The following MEGF10 variants were observed in gnomAD, a reference collection of about 807,000 sequenced individuals.
MEGF10 encodes the protein multiple epidermal growth factor-like domains protein 10.
Under a neutral mutation model 147.5 loss-of-function variants are expected in MEGF10, and 86 were observed. The observed-to-expected ratio is 0.58, with a 90% CI of 0.49 to 0.70. The LOEUF (loss-of-function observed/expected upper bound fraction) is 0.70. Ranked by LOEUF, MEGF10 falls within the 30% of genes least tolerant of loss-of-function variation. The probability of loss-of-function intolerance (pLI) is 0.00; values close to 1 mark genes in which losing one functional copy is unlikely to be tolerated. For synonymous variants in MEGF10, 478 were observed against 525.5 expected (o/e 0.91, Z 1.24); for missense variants, 1,329 against 1,487.3 (o/e 0.89, Z 1.75).
At chr5:127,390,778 G>A (rs913386898) in intron 5 of MEGF10, among the ~76,000 whole-genome samples, 1 of 152,050 alleles carries the variant, frequency 6.6e-6, no homozygotes, top group African/African-American at 2.4e-5. Context: ...TCAGTGCTAG[G>A]ATAAATGTCC....
At chr5:127,267,973 G>T in the MEGF10 span, among the ~76,000 whole-genome samples, 1 of 152,068 alleles carries the variant, frequency 6.6e-6, no homozygotes, top group Non-Finnish European at 1.5e-5. Flanking sequence ...TTTTGAATGT[G>T]TTTGCTCTTG....
chr5:127,235,978 CTTT>C, the MEGF10 span, among the ~76,000 whole-genome samples: 4 of 148,204 alleles, frequency 2.7e-5, no homozygotes, highest in African/African-American at 9.9e-5. Flanking sequence ...GGTCGGCAAA[CTTT>C]TTTTTTTTTT....
At position 127,421,207 on chromosome 5, in the gene MEGF10, G is replaced by A. The variant is rs924280831; in HGVS notation, c.1590+1000G>A. ...AAAGCAAAGCCCCTGGCACAATCTCGTCCTTTTTCATACCTTAGAGGAGTT... is the reference window on the plus strand; with the variant it reads ...AAAGCAAAGCCCCTGGCACAATCTCATCCTTTTTCATACCTTAGAGGAGTT... On this transcript the variant is annotated intron_variant, in intron 12 of 24. Coordinates refer to ENST00000503335, the MANE Select transcript of MEGF10 (RefSeq NM_001256545.2). Among the ~76,000 whole-genome samples, 6 of 152,184 alleles carry A rather than the reference G, an allele frequency of 3.9e-5. No individual in the cohort carries two copies. In the East Asian group the frequency reaches 5.8e-4, roughly 15 times the overall value.
intron 21 of MEGF10, 40 bp from the exon 22 acceptor site, chr5:127,449,059 T>TA (rs767181358): frequency 6.2e-7 from 1 of 1,612,024 alleles, no homozygotes; most frequent in Non-Finnish European, 8.5e-7. Flanking sequence ...TGCCGCATTG[T>TA]ATTTTGTTTT....
intron 9 of MEGF10, among the ~76,000 whole-genome samples, chr5:127,417,053 G>A (rs112877443): frequency 1.3e-5 from 2 of 152,218 alleles, no homozygotes; most frequent in South Asian, 2.1e-4. Flanking sequence ...CATGTGTTTT[G>A]AGCCAGCATG....
chr5:127,270,924 T>C, the MEGF10 span, among the ~76,000 whole-genome samples: 1 of 152,258 alleles, frequency 6.6e-6, no homozygotes, highest in Admixed American at 6.5e-5. Context: ...GGCTGTATAG[T>C]ATTCCATGGT....
chr5:127,410,530 C>T lies in MEGF10; in HGVS notation c.1059C>T (p.Arg353=). 6.2e-7 allele frequency: 1 copy of T among 1,613,720 alleles called. No individual in the cohort carries two copies. Among genetic ancestry groups the T allele is most frequent in the Non-Finnish European group, 8.5e-7 (1 of 1,180,038 alleles). The change falls in exon 9 of 25, where the codon CGC becomes CGT. Residue 353 remains arginine (R), a synonymous_variant. Coordinates refer to ENST00000503335, the MANE Select transcript of MEGF10 (RefSeq NM_001256545.2). ...AGFAGERCEA[R]LCPEGLYGIK... The stretch of plus-strand genomic sequence containing the variant: ...TTGCTGGCGAGCGCTGCGAAGCACG[C>T]CTGTGTCCTGAGGGGCTCTACGGCA...
chr5:127,385,405 TGG>T (rs1472266261), intron 5 of MEGF10, among the ~76,000 whole-genome samples: 1 of 152,166 alleles, frequency 6.6e-6, no homozygotes, highest in Admixed American at 6.6e-5. Context: ...TCCTGAGTGC[TGG>T]GATTACAGGT....
chr5:127,349,001 G>A (rs1761994617), intron 4 of MEGF10, among the ~76,000 whole-genome samples: 1 of 152,052 alleles, frequency 6.6e-6, no homozygotes, highest in African/African-American at 2.4e-5. Flanking sequence ...AAGGTGACAA[G>A]AGCGAGAATC....
intron 13 of MEGF10, among the ~76,000 whole-genome samples, chr5:127,432,887 A>G (rs1765431028): frequency 1.3e-5 from 2 of 152,186 alleles, no homozygotes; most frequent in Admixed American, 6.5e-5. Context: ...TGCACCATCA[A>G]GTTATTTTAA....
At chr5:127,266,297 A>C in the MEGF10 span, among the ~76,000 whole-genome samples, 1 of 151,990 alleles carries the variant, frequency 6.6e-6, no homozygotes, top group Non-Finnish European at 1.5e-5. Flanking sequence ...TTTTGGTACC[A>C]GTACCATGCT....
In MEGF10 at chr5:127,398,762, T is replaced by C. The variant is rs780558683; in HGVS notation, c.746T>C (p.Val249Ala). ...PCQNGGVCHHVTGECSCPSGW... is the reference protein window; with the variant it reads ...PCQNGGVCHHATGECSCPSGW... ...CAAAATGGAGGAGTGTGTCATCACG[T>C]CACTGGAGAATGCTCTTGCCCTTCT... Residue 249 changes from valine to alanine, a missense_variant, in exon 7 of 25, where the codon GTC becomes GCC. Physicochemically the swap from Val to Ala is moderately conservative, Grantham distance 64. Around this residue, in one of 3 missense-constraint regions of MEGF10, gnomAD observed 980 missense variants for 1,085.9 expected, o/e 0.90. Coordinates refer to ENST00000503335, the MANE Select transcript of MEGF10 (RefSeq NM_001256545.2). The C allele has an allele frequency of 1.5e-5, 25 of 1,613,818 alleles. No individual in the cohort carries two copies. Among genetic ancestry groups the C allele is most frequent in the Admixed American group, 3.3e-5 (2 of 59,992 alleles).
intron 6 of MEGF10, among the ~76,000 whole-genome samples, 173 bp from the exon 7 acceptor site, chr5:127,398,503 A>G (rs1221371102): frequency 6.6e-6 from 1 of 152,126 alleles, no homozygotes; most frequent in African/African-American, 2.4e-5. Context: ...GGACTGGGTG[A>G]CTCCTCAAAG....
At chr5:127,455,055 C>A (rs910067550) in intron 23 of MEGF10, among the ~76,000 whole-genome samples, 3 of 152,074 alleles carry the variant, frequency 2.0e-5, no homozygotes, top group African/African-American at 7.2e-5. Context: ...ATAATAGAGC[C>A]CTCTTGGTGC....
chr5:127,315,125 G>A (rs76886238), intron 1 of MEGF10, among the ~76,000 whole-genome samples: 1 of 152,136 alleles, frequency 6.6e-6, no homozygotes, highest in Non-Finnish European at 1.5e-5. Flanking sequence ...TGCAAAGCTT[G>A]TGGCCCTGCT....
chr5:127,375,768 A>G (rs1763001380), intron 5 of MEGF10, among the ~76,000 whole-genome samples: 1 of 152,222 alleles, frequency 6.6e-6, no homozygotes, highest in African/African-American at 2.4e-5. Context: ...TAATCTCTGT[A>G]AGCCTCCATT....
At chr5:127,269,459 C>T in the MEGF10 span, among the ~76,000 whole-genome samples, 3,136 of 152,140 alleles carry the variant, frequency 0.021, 107 homozygotes, top group African/African-American at 0.072. Flanking sequence ...CTTCAGTAGC[C>T]GATTTCATCA....
intron 5 of MEGF10, among the ~76,000 whole-genome samples, chr5:127,384,081 C>T (rs1763345958): frequency 6.6e-6 from 1 of 152,194 alleles, no homozygotes; most frequent in South Asian, 2.1e-4. Context: ...TCTCCCCCTC[C>T]TTTCTCTCCA....
At chr5:127,322,090 A>G (rs1760809579) in intron 1 of MEGF10, among the ~76,000 whole-genome samples, 1 of 151,484 alleles carries the variant, frequency 6.6e-6, no homozygotes, top group East Asian at 1.9e-4. Flanking sequence ...AAAAAAAATA[A>G]TAATGCTTTA....
Sources: gnomAD v4.1 joint callset for allele counts (sites outside exome capture counted in the v4.1 genomes callset) on GRCh38, gnomAD v4.1.1 for gene constraint, gnomAD v4.1.1 regional missense constraint, MANE v1.5 for transcripts, NCBI Gene and HGNC (gene_info 2026-07-23, HGNC 2026-07-21) for gene names.